SELENBP1: variants seen among roughly 807,000 people sequenced by gnomAD.
SELENBP1 encodes the protein methanethiol oxidase.
A neutral mutation model predicts 61.0 loss-of-function variants in SELENBP1; 71 were observed. The observed-to-expected ratio is 1.16, with a 90% CI of 0.96 to 1.42. The LOEUF (loss-of-function observed/expected upper bound fraction) is 1.42, where lower values mean the gene tolerates loss of function less well. SELENBP1 is among the 40% of genes most tolerant of loss of function. The pLI is 0.00. For synonymous variants in SELENBP1, 270 were observed against 238.9 expected (o/e 1.13, Z -1.20); for missense variants, 561 against 605.0 (o/e 0.93, Z 0.76).
At position 151,365,554 on chromosome 1, in the gene SELENBP1, G is replaced by A. The variant is rs201872159; in HGVS notation, c.1044+9C>T. The A allele has an allele frequency of 2.2e-5, 36 of 1,613,670 alleles. No homozygotes were observed. Among genetic ancestry groups the A allele is most frequent in the Non-Finnish European group, 2.8e-5 (33 of 1,179,920 alleles). On this transcript the variant is annotated intron_variant, in intron 9 of 11. Transcript: ENST00000368868. Reference sequence around the variant, plus strand: ...CCTTCCCTTCTGCTCCTCCTGCCAGGGTCTCCACCTGTCCTGTGAGGCGGG... The same window carrying A: ...CCTTCCCTTCTGCTCCTCCTGCCAGAGTCTCCACCTGTCCTGTGAGGCGGG...
chr1:151,369,180 G>A lies in SELENBP1; in HGVS notation c.184C>T (p.Arg62Trp), dbSNP rs773273231. The part of the protein sequence containing the change: ...KSPQYCQVIH[R>W]LPMPNLKDEL... ...TCCTTCAGGTTGGGCATGGGCAGCC[G>A]GTGGATGACCTAGGATGCGGGGAGA... The change falls in exon 4 of 12, where the codon CGG becomes TGG. Residue 62 changes from arginine (R) to tryptophan (W), a missense_variant. Arg to Trp is a moderately radical substitution (Grantham distance 101, BLOSUM62 -3). Transcript: ENST00000368868. The A allele has an allele frequency of 6.2e-5, 100 of 1,609,996 alleles. 1 individual carries two copies. The South Asian group carries it at 8.5e-4, about 14-fold the overall frequency.
At position 151,366,815 on chromosome 1, in the gene SELENBP1, A is replaced by G; in HGVS notation, c.571T>C (p.Trp191Arg). The change falls in exon 6 of 12, where the codon TGG becomes CGG. Residue 191 changes from tryptophan to arginine, a missense_variant. Physicochemically the swap from Trp to Arg is moderately radical, Grantham distance 101. Coordinates refer to ENST00000368868, the MANE Select transcript of SELENBP1 (RefSeq NM_003944.4). ...GGAAPLGYDF[W>R]YQPRHNVMIS... The stretch of plus-strand genomic sequence containing the variant: ...ATGACATTGTGTCGAGGCTGGTACC[A>G]GAAGTCATAGCCCAACGGTGCAGCA... The G allele has an allele frequency of 6.2e-7, 1 of 1,614,170 alleles. No homozygotes were observed. Among genetic ancestry groups the G allele is most frequent in the Non-Finnish European group, 8.5e-7 (1 of 1,180,020 alleles).
intron 9 of SELENBP1, 135 bp from the exon 10 acceptor site, chr1:151,365,416 C>T: frequency 1.3e-6 from 2 of 1,488,110 alleles, no homozygotes. Flanking sequence ...CCTGGACAGT[C>T]CTGGGCCTGT....
At chr1:151,366,483 C>T (rs1234522228) in intron 6 of SELENBP1, 30 bp from the exon 7 acceptor site, 1 of 1,602,976 alleles carries the variant, frequency 6.2e-7, no homozygotes, top group Admixed American at 1.7e-5. Context: ...GGAGGATAGG[C>T]TCAGCATCAG....
At position 151,368,226 on chromosome 1, in the gene SELENBP1, G is replaced by A. The variant is rs1433399510; in HGVS notation, c.454C>T (p.Leu152=). 1 of 1,614,014 alleles carries A rather than the reference G, an allele frequency of 6.2e-7. No individual in the cohort carries two copies. Among genetic ancestry groups the A allele is most frequent in the Non-Finnish European group, 8.5e-7 (1 of 1,180,030 alleles). ...TTGCCATTGCCCTTGACGTCTCCCA[G>A]GGAGCTGATCATCACTTCCCCGCTG... The part of the protein sequence containing the change: ...LASGEVMISS[L]GDVKGNGKGG... The change falls in exon 5 of 12, where the codon CTG becomes TTG. Residue 152 remains leucine (L), a synonymous_variant. Coordinates refer to ENST00000368868, the MANE Select transcript of SELENBP1 (RefSeq NM_003944.4).
Position 151,366,273 on chromosome 1 carries a change from A to G in SELENBP1, c.843+2T>C. On this transcript the variant is annotated splice_donor_variant, in intron 7 of 11. Coordinates refer to ENST00000368868, the MANE Select transcript of SELENBP1 (RefSeq NM_003944.4). LOFTEE classifies it high-confidence loss of function. ...AGGGGAGGGCCAGAGGGCGTATGTC[A>G]CCTCGTTCTTGTAGAAGCGCTGGAT... 2 of 1,612,080 alleles carry G rather than the reference A, an allele frequency of 1.2e-6. No individual in the cohort carries two copies. Among genetic ancestry groups the G allele is most frequent in the Non-Finnish European group, 1.7e-6 (2 of 1,178,946 alleles).
intron 4 of SELENBP1, 53 bp from the exon 5 acceptor site, chr1:151,368,372 T>C (rs775636634): frequency 6.3e-7 from 1 of 1,594,262 alleles, no homozygotes; most frequent in Middle Eastern, 1.7e-4. Flanking sequence ...GAGTCCCTGC[T>C]CTTAACCTCC....
At chr1:151,368,398 C>T in intron 4 of SELENBP1, 79 bp from the exon 5 acceptor site, 6 of 1,556,442 alleles carry the variant, frequency 3.9e-6, no homozygotes, top group Non-Finnish European at 5.3e-6. Context: ...TCCCCTACTT[C>T]TATCTGCTGA....
chr1:151,369,486 G>C lies in SELENBP1; in HGVS notation c.130C>G (p.Leu44Val). Reference sequence around the variant, plus strand: ...TTGGGGTCAACATCCACAGTGGCCAGATAATCTGGGGCCTCAGTGCCTGTG... The same window carrying C: ...TTGGGGTCAACATCCACAGTGGCCACATAATCTGGGGCCTCAGTGCCTGTG... ...RNTGTEAPDY[L>V]ATVDVDPKSP... The change falls in exon 3 of 12, where the codon CTG (leucine) becomes GTG (valine). Residue 44 changes from leucine (L) to valine (V), a missense_variant. Physicochemically the swap from Leu to Val is conservative, Grantham distance 32. Coordinates refer to ENST00000368868, the MANE Select transcript of SELENBP1 (RefSeq NM_003944.4). 6.2e-7 allele frequency: 1 copy of C among 1,613,158 alleles called. No individual in the cohort carries two copies. The highest frequency in any genetic ancestry group is 1.3e-5 in the African/African-American group (1 of 75,054).
Position 151,365,255 on chromosome 1 carries a change from C to T in SELENBP1, c.1071G>A (p.Lys357=), listed in dbSNP as rs1325622589. 6.2e-7 allele frequency: 1 copy of T among 1,613,078 alleles called. No individual in the cohort carries two copies. Among genetic ancestry groups the T allele is most frequent in the East Asian group, 2.2e-5 (1 of 44,836 alleles). Residue 357 remains lysine (K), a synonymous_variant, in exon 10 of 12, where the codon AAG becomes AAA. Transcript: ENST00000368868. ...CCTCCAGCACTTGCACAGGGCCTCC[C>T]TTAACAATGCTGCCTCCGAGGAAGA... The part of the protein sequence containing the change: ...GQLFLGGSIV[K]GGPVQVLEDE...
At chr1:151,369,658 C>A (rs1273793531) in intron 2 of SELENBP1, 55 bp downstream of exon 2, 1 of 1,545,076 alleles carries the variant, frequency 6.5e-7, no homozygotes, top group Non-Finnish European at 8.8e-7. Context: ...AGTCCCTCCA[C>A]CCCCAGCTGT....
chr1:151,369,150 G>C lies in SELENBP1; in HGVS notation c.214C>G (p.Leu72Val). 6.2e-7 allele frequency: 1 copy of C among 1,613,372 alleles called. No homozygotes were observed. Among genetic ancestry groups the C allele is most frequent in the Non-Finnish European group, 8.5e-7 (1 of 1,179,430 alleles). ...CAGGTGTTCCATCCTGAGTGATGCAGCTCGTCCTTCAGGTTGGGCATGGGC... is the reference window on the plus strand; with the variant it reads ...CAGGTGTTCCATCCTGAGTGATGCACCTCGTCCTTCAGGTTGGGCATGGGC... ...RLPMPNLKDE[L>V]HHSGWNTCSS... The change falls in exon 4 of 12, where the codon CTG becomes GTG. Residue 72 changes from leucine (L) to valine (V), a missense_variant. Coordinates refer to ENST00000368868, the MANE Select transcript of SELENBP1 (RefSeq NM_003944.4).
At chr1:151,372,561 G>T in intron 1 of SELENBP1, 77 bp downstream of exon 1, 1 of 1,596,872 alleles carries the variant, frequency 6.3e-7, no homozygotes, top group Non-Finnish European at 8.6e-7. Flanking sequence ...AGGTTTTCTA[G>T]CATTTTCTGG....
intron 4 of SELENBP1, among the ~76,000 whole-genome samples, 166 bp downstream of exon 4, chr1:151,368,838 T>C (rs1651986714): frequency 6.6e-6 from 1 of 152,212 alleles, no homozygotes; most frequent in Non-Finnish European, 1.5e-5. Context: ...TGACCCAGAA[T>C]GCCTGGGTAG....
rs143972187 is a variant in SELENBP1, at chr1:151,365,192, G to A, written c.1134C>T (p.Val378=). 9 of 1,613,548 alleles carry A rather than the reference G, an allele frequency of 5.6e-6. No individual in the cohort carries two copies. In the African/African-American group the frequency reaches 9.3e-5, roughly 17 times the overall value. Residue 378 remains valine (V), a synonymous_variant, in exon 10 of 12, where the codon GTC becomes GTT. Coordinates refer to ENST00000368868, the MANE Select transcript of SELENBP1 (RefSeq NM_003944.4). ...ELKSQPEPLV[V]KGKRVAGGPQ... is the part of the protein sequence containing the mutation. ...AAGTAGGGGGAGAGGCTCTTACCTT[G>A]ACCACTAGGGGCTCTGGCTGGGACT...
intron 6 of SELENBP1, 51 bp from the exon 7 acceptor site, chr1:151,366,504 G>T: frequency 6.3e-7 from 1 of 1,585,218 alleles, no homozygotes; most frequent in Admixed American, 1.7e-5. Flanking sequence ...AGGTTGGAAG[G>T]CATGGGCAAA....
chr1:151,366,956 C>A, intron 5 of SELENBP1, 52 bp from the exon 6 acceptor site: 1 of 1,590,452 alleles, frequency 6.3e-7, no homozygotes, highest in Non-Finnish European at 8.6e-7. Flanking sequence ...AGACACTAAC[C>A]CCACCCTCCA....
chr1:151,369,468 C>A lies in SELENBP1; in HGVS notation c.148G>T (p.Asp50Tyr). ...TGGCAATACTGGGGAGACTTGGGGT[C>A]AACATCCACAGTGGCCAGATAATCT... is the stretch of plus-strand genomic sequence containing the variant. ...APDYLATVDV[D>Y]PKSPQYCQVI... Residue 50 changes from aspartate to tyrosine, a missense_variant, in exon 3 of 12, where the codon GAC (aspartate) becomes TAC (tyrosine). Coordinates refer to ENST00000368868, the MANE Select transcript of SELENBP1 (RefSeq NM_003944.4). 3 of 1,612,720 alleles carry A rather than the reference C, an allele frequency of 1.9e-6. No individual in the cohort carries two copies. Among genetic ancestry groups the A allele is most frequent in the Non-Finnish European group, 2.5e-6 (3 of 1,179,530 alleles).
At position 151,372,672 on chromosome 1, in the gene SELENBP1, G is replaced by A; in HGVS notation, c.-31C>T. The A allele has an allele frequency of 6.2e-7, 1 of 1,614,152 alleles. No homozygotes were observed. Among genetic ancestry groups the A allele is most frequent in the South Asian group, 1.1e-5 (1 of 91,082 alleles). The stretch of plus-strand genomic sequence containing the variant: ...CGACTGGTACACTTTGATCCCGGCG[G>A]GTTTGCTGTGCTGGTGTCAGAGGCC... On this transcript the variant is annotated 5_prime_UTR_variant, in exon 1 of 12. Transcript: ENST00000368868.
Sources: allele counts gnomAD v4.1 joint callset (sites outside exome capture counted in the v4.1 genomes callset), GRCh38; gene constraint gnomAD v4.1.1; transcripts MANE v1.5; gene names NCBI Gene and HGNC (gene_info 2026-07-23, HGNC 2026-07-21).